Variants in TCEAL4 observed in about 807,000 individuals in gnomAD.
TCEAL4 encodes transcription elongation factor A protein-like 4.
A neutral mutation model predicts 1.3 loss-of-function variants in TCEAL4; 1 was observed. The observed-to-expected ratio is 0.79, with a 90% CI of 0.28 to 3.76. The LOEUF (loss-of-function observed/expected upper bound fraction) is 3.76. Among genes scored for constraint, TCEAL4 ranks in the 30% most tolerant of loss-of-function variants. TCEAL4 has a pLI of 0.18. For missense variants in TCEAL4, 129 were observed against 154.7 expected, an observed-to-expected ratio of 0.83 and a Z score of 0.88; for synonymous variants, 54 against 50.7, an observed-to-expected ratio of 1.06 and a Z score of -0.28.
In TCEAL4 at chrX:103,587,239, C is replaced by T. The variant is rs221933; in HGVS notation, c.564C>T (p.Asp188=). 3,092 of 1,206,171 alleles carry T rather than the reference C, an allele frequency of 2.6e-3. 49 individuals are homozygous for T. The African/African-American group carries it at 0.044, about 17-fold the overall frequency. The change falls in exon 3 of 3, where the codon GAC becomes GAT. Residue 188 remains aspartate (D), a synonymous_variant. Coordinates refer to ENST00000472484, the MANE Select transcript of TCEAL4 (RefSeq NM_001006935.3). ...TGTGGATGCAAAGAAATTTACAGGACCCCTTCTACCCTAGAGGTCCAAGGG... is the reference window on the plus strand; with the variant it reads ...TGTGGATGCAAAGAAATTTACAGGATCCCTTCTACCCTAGAGGTCCAAGGG... ...AFLWMQRNLQ[D]PFYPRGPREF...
upstream of TCEAL4, among the ~76,000 whole-genome samples, chrX:103,584,400 C>T (rs1171427827): frequency 9.0e-6 from 1 of 111,600 alleles, no homozygotes; most frequent in Non-Finnish European, 1.9e-5. Context: ...AGTCACACTG[C>T]GTATCGATTG....
At chrX:103,581,588 A>G (rs2073508350), upstream of TCEAL4, among the ~76,000 whole-genome samples, 1 of 111,846 alleles carries the variant, frequency 8.9e-6, no homozygotes, top group African/African-American at 3.3e-5. Flanking sequence ...TTGGTTAAAC[A>G]TATGCAAATC....
intron 1 of TCEAL4, 101 bp downstream of exon 1, chrX:103,585,725 C>A (rs1203422194): frequency 3.5e-6 from 4 of 1,156,960 alleles, no homozygotes; most frequent in Non-Finnish European, 4.6e-6. Flanking sequence ...CGGGTCGAGT[C>A]GAGGGAAGCT....
At chrX:103,576,756 T>C (rs775275601) in intron 1 of TCEAL4, among the ~76,000 whole-genome samples, 7 of 112,224 alleles carry the variant, frequency 6.2e-5, no homozygotes, top group Non-Finnish European at 9.4e-5. Flanking sequence ...AGAGCGAGAC[T>C]GTCTCAATCA....
chrX:103,581,845 C>T (rs2073509759), upstream of TCEAL4, among the ~76,000 whole-genome samples: 1 of 111,592 alleles, frequency 9.0e-6, no homozygotes, highest in Non-Finnish European at 1.9e-5. Flanking sequence ...GACAAGGATG[C>T]TCTCTCTCTC....
At chrX:103,578,339 A>G (rs1277947158) in intron 2 of TCEAL4, among the ~76,000 whole-genome samples, 12 of 111,981 alleles carry the variant, frequency 1.1e-4, no homozygotes, top group Non-Finnish European at 2.3e-4. Flanking sequence ...ATATTGTTTC[A>G]TTTGCCTTGG....
At chrX:103,585,319 C>T (rs16983977), upstream of TCEAL4, among the ~76,000 whole-genome samples, 5,708 of 96,709 alleles carry the variant, frequency 0.059, 379 homozygotes, top group African/African-American at 0.19. Context: ...CTGGACCGCC[C>T]AACTCATTAA....
Position 103,586,671 on chromosome X carries a change from T to G in TCEAL4, c.-5T>G. ...CAGGACAGGAAAAGGAGGGGAAATC[T>G]CGACATGGAAAAACTCTACAGTGAA... On this transcript the variant is annotated 5_prime_UTR_variant, in exon 3 of 3. Transcript: ENST00000472484. 2 of 1,208,522 alleles carry G rather than the reference T, an allele frequency of 1.7e-6. No individual in the cohort carries two copies. Among genetic ancestry groups the G allele is most frequent in the Non-Finnish European group, 2.2e-6 (2 of 894,591 alleles).
intron 1 of TCEAL4, chrX:103,585,987 G>A: frequency 9.3e-7 from 1 of 1,074,304 alleles, no homozygotes; most frequent in Admixed American, 3.9e-5. Flanking sequence ...CGTTGACCGC[G>A]AGGCTGGGGA....
At position 103,587,405 on chromosome X, in the gene TCEAL4, A is replaced by C; in HGVS notation, c.*82A>C. The C allele has an allele frequency of 3.7e-6, 4 of 1,073,571 alleles. No homozygotes were observed. The highest frequency in any genetic ancestry group is 4.9e-6 in the Non-Finnish European group (4 of 809,380). 88.5% of individuals were successfully genotyped at this position (1,073,571 alleles called of 1,213,427 possible). On this transcript the variant is annotated 3_prime_UTR_variant, in exon 3 of 3. Transcript: ENST00000472484. Reference sequence around the variant, plus strand: ...TTTAGGCATCCCTCCTGTTGCTAGCAGCCTTTTGACCTATCTGCAATGCAG... The same window carrying C: ...TTTAGGCATCCCTCCTGTTGCTAGCCGCCTTTTGACCTATCTGCAATGCAG...
chrX:103,580,423 G>A (rs2073502373), intron 2 of TCEAL4, among the ~76,000 whole-genome samples: 1 of 111,509 alleles, frequency 9.0e-6, no homozygotes, highest in African/African-American at 3.3e-5. Context: ...CAAAGAATAA[G>A]TGTTCAATAA....
At chrX:103,582,344 T>C (rs1326656068), upstream of TCEAL4, among the ~76,000 whole-genome samples, 2 of 111,869 alleles carry the variant, frequency 1.8e-5, no homozygotes, top group Non-Finnish European at 3.8e-5. Flanking sequence ...AAGAAATTTA[T>C]AGATTCAATG....
chrX:103,583,496 A>C (rs1347386881), upstream of TCEAL4, among the ~76,000 whole-genome samples: 3 of 112,737 alleles, frequency 2.7e-5, no homozygotes, highest in Admixed American at 1.9e-4. Flanking sequence ...GATAAAGAAA[A>C]TGTGGTACAT....
At chrX:103,585,484 G>T, upstream of TCEAL4, 1 of 1,097,342 alleles carries the variant, frequency 9.1e-7, no homozygotes, top group Non-Finnish European at 1.2e-6. Flanking sequence ...TGGGGCGGTG[G>T]AACTCCTGGG....
upstream of TCEAL4, among the ~76,000 whole-genome samples, chrX:103,581,659 A>C (rs982671926): frequency 5.4e-5 from 6 of 112,120 alleles, no homozygotes; most frequent in Admixed American, 9.5e-5. Flanking sequence ...TTATCGCAAT[A>C]GATGTAGAAA....
intron 2 of TCEAL4, among the ~76,000 whole-genome samples, chrX:103,578,021 G>C (rs1321431672): frequency 9.0e-6 from 1 of 111,540 alleles, no homozygotes; most frequent in East Asian, 2.8e-4. Context: ...CTAGCCCTAT[G>C]CTACTACTAA....
At chrX:103,583,287 A>T (rs966650555), upstream of TCEAL4, among the ~76,000 whole-genome samples, 3 of 112,296 alleles carry the variant, frequency 2.7e-5, no homozygotes, top group African/African-American at 9.7e-5. Flanking sequence ...ATCAGCAACC[A>T]TTGTGGAAGA....
chrX:103,586,755 A>C lies in TCEAL4; in HGVS notation c.80A>C (p.Glu27Ala). The change falls in exon 3 of 3, where the codon GAG becomes GCG. Residue 27 changes from glutamate (E) to alanine (A), a missense_variant. By Grantham distance (107) the Glu-to-Ala change is moderately radical. Coordinates refer to ENST00000472484, the MANE Select transcript of TCEAL4 (RefSeq NM_001006935.3). ...KMENEEQPQD[E>A]RKPEVTCTLE... ...GAAAATGAAGAACAGCCACAAGACGAGAGAAAGCCAGAAGTAACTTGTACT... is the reference window on the plus strand; with the variant it reads ...GAAAATGAAGAACAGCCACAAGACGCGAGAAAGCCAGAAGTAACTTGTACT... 1 of 1,212,002 alleles carries C rather than the reference A, an allele frequency of 8.3e-7. No individual in the cohort carries two copies. Among genetic ancestry groups the C allele is most frequent in the Non-Finnish European group, 1.1e-6 (1 of 895,523 alleles).
At chrX:103,578,467 T>C (rs2073493774) in intron 2 of TCEAL4, among the ~76,000 whole-genome samples, 1 of 111,919 alleles carries the variant, frequency 8.9e-6, no homozygotes, top group African/African-American at 3.2e-5. Flanking sequence ...CTATAGTATG[T>C]GATGTTTCCA....
Sources: gnomAD v4.1 joint callset for allele counts (sites outside exome capture counted in the v4.1 genomes callset) on GRCh38, gnomAD v4.1.1 for gene constraint, MANE v1.5 for transcripts, NCBI Gene and HGNC (gene_info 2026-07-23, HGNC 2026-07-21) for gene names.